ATP2C2: variants seen among roughly 807,000 people sequenced by gnomAD.
ATP2C2 encodes the protein calcium-transporting ATPase type 2C member 2.
ATP2C2 carries 171 observed loss-of-function variants against 110.8 expected under a neutral mutation model. The observed-to-expected ratio is 1.54, with a 90% CI of 1.36 to 1.75. The LOEUF (loss-of-function observed/expected upper bound fraction) is 1.75, where lower values mean the gene tolerates loss of function less well. ATP2C2 is among the 40% of genes most tolerant of loss of function. The pLI, the probability that ATP2C2 is intolerant of heterozygous loss-of-function variation, is 0.00. For missense variants in ATP2C2, 1,963 were observed against 1,235.0 expected (o/e 1.59, Z -8.84); for synonymous variants, 804 against 508.4 (o/e 1.58, Z -7.82).
At chr16:84,411,067 A>G (rs932295102) in intron 6 of ATP2C2, among the ~76,000 whole-genome samples, 16 of 152,162 alleles carry the variant, frequency 1.1e-4, no homozygotes, top group African/African-American at 3.9e-4. Context: ...CCTGTGAAAT[A>G]ATGTGCAGAA....
chr16:84,420,571 C>G (rs1907243005), intron 7 of ATP2C2, among the ~76,000 whole-genome samples: 1 of 151,836 alleles, frequency 6.6e-6, no homozygotes, highest in Non-Finnish European at 1.5e-5. Context: ...CCCGGGATCC[C>G]CTCCTGTTTT....
intron 1 of ATP2C2, among the ~76,000 whole-genome samples, chr16:84,387,264 G>C (rs1904365579): frequency 6.6e-6 from 1 of 152,168 alleles, no homozygotes; most frequent in African/African-American, 2.4e-5. Context: ...GCTCGTGCCT[G>C]TAATCCCAGC....
intron 2 of ATP2C2, among the ~76,000 whole-genome samples, chr16:84,400,972 C>T (rs188255930): frequency 2.6e-5 from 4 of 152,250 alleles, no homozygotes; most frequent in South Asian, 2.1e-4. Context: ...TTATTAATCC[C>T]GTGTCAGATG....
chr16:84,417,056 C>A (rs1226307533), intron 7 of ATP2C2, among the ~76,000 whole-genome samples: 2 of 152,150 alleles, frequency 1.3e-5, no homozygotes, highest in Non-Finnish European at 2.9e-5. Flanking sequence ...TTAGCCTGGG[C>A]TTGAGCCCTG....
At chr16:84,391,604 A>G (rs1193844593) in intron 1 of ATP2C2, among the ~76,000 whole-genome samples, 2 of 152,342 alleles carry the variant, frequency 1.3e-5, no homozygotes, top group Admixed American at 6.5e-5. Context: ...CTGCTGTGAT[A>G]CGTACACATG....
chr16:84,451,853 AACC>A, intron 17 of ATP2C2, 65 bp from the exon 18 acceptor site: 1 of 1,347,012 alleles, frequency 7.4e-7, no homozygotes, highest in Non-Finnish European at 1.0e-6. Flanking sequence ...CAACAACAAC[AACC>A]AACAACAAAA....
chr16:84,378,710 G>A (rs970732793), intron 1 of ATP2C2, among the ~76,000 whole-genome samples: 4 of 152,326 alleles, frequency 2.6e-5, no homozygotes, highest in African/African-American at 4.8e-5. Context: ...GGGCAGGGCC[G>A]ACTACGTGAT....
At chr16:84,439,769 T>C (rs1025198712) in intron 13 of ATP2C2, among the ~76,000 whole-genome samples, 9 of 152,328 alleles carry the variant, frequency 5.9e-5, no homozygotes, top group African/African-American at 2.2e-4. Context: ...CATTGCAAAA[T>C]TTAAAAGCTA....
At chr16:84,446,755 T>C (rs1909788596) in intron 16 of ATP2C2, among the ~76,000 whole-genome samples, 2 of 152,194 alleles carry the variant, frequency 1.3e-5, no homozygotes, top group South Asian at 2.1e-4. Context: ...CCCAGTAACC[T>C]TCATTTTCTG....
intron 1 of ATP2C2, among the ~76,000 whole-genome samples, chr16:84,373,930 CTTTG>C (rs926441504): frequency 6.6e-6 from 1 of 152,192 alleles, no homozygotes; most frequent in Non-Finnish European, 1.5e-5. Context: ...TTTGTCAGGA[CTTTG>C]TTTGCTAGTT....
At position 84,396,223 on chromosome 16, in the gene ATP2C2, CGTGT is replaced by C. The variant is rs10571889; in HGVS notation, c.100-2260_100-2257del. ...TCTGCAAGTGTTTTCAAGCATCGGG[CGTGT>C]GTGTGTGTGTGTGTGAGATGGGATT... On this transcript the variant is annotated intron_variant, in intron 1 of 26. Transcript: ENST00000262429. Among the ~76,000 whole-genome samples the C allele has an allele frequency of 8.0e-5, 12 of 150,550 alleles. No homozygotes were observed. The East Asian group carries it at 1.2e-3, about 15-fold the overall frequency.
At chr16:84,441,541 G>T (rs1909259522) in intron 14 of ATP2C2, among the ~76,000 whole-genome samples, 1 of 152,182 alleles carries the variant, frequency 6.6e-6, no homozygotes, top group Non-Finnish European at 1.5e-5. Context: ...CCTCTGTACA[G>T]TTCAGTGAGC....
Position 84,463,672 on chromosome 16 carries a change from AC to A in ATP2C2, c.2782del (p.Leu928TyrfsTer36). The A allele has an allele frequency of 6.2e-7, 1 of 1,614,160 alleles. No individual in the cohort carries two copies. The highest frequency in any genetic ancestry group is 1.1e-5 in the South Asian group (1 of 91,080). The part of the protein sequence containing the change: ...SVFILSELLK[L>X]CEKYCCSPKR... ...TCTTCATTTTGTCAGAGCTCCTCAA[AC>A]TATGTGAAAAATACTGTTGCAGCCC... On this transcript the variant is annotated frameshift_variant, in exon 27 of 27. Transcript: ENST00000262429. LOFTEE classifies it low-confidence loss of function (END_TRUNC).
At chr16:84,387,167 T>C (rs1904359860) in intron 1 of ATP2C2, among the ~76,000 whole-genome samples, 1 of 152,134 alleles carries the variant, frequency 6.6e-6, no homozygotes, top group Non-Finnish European at 1.5e-5. Context: ...CTGAGCACAT[T>C]TGGGCACTCG....
chr16:84,460,952 T>G, intron 24 of ATP2C2, 151 bp downstream of exon 24: 3 of 1,157,740 alleles, frequency 2.6e-6, no homozygotes, highest in South Asian at 3.4e-5. Flanking sequence ...AGGCGTGGGG[T>G]GCATGAGGCA....
rs761516602 is a variant in ATP2C2, at chr16:84,461,825, C to T, written c.2580+13C>T. ...CTGCCGCTCTCAGGTGAGACCCGGGCTGACCCTCCTCGCTGCAGAGCTGCT... is the reference window on the plus strand; with the variant it reads ...CTGCCGCTCTCAGGTGAGACCCGGGTTGACCCTCCTCGCTGCAGAGCTGCT... On this transcript the variant is annotated intron_variant, in intron 25 of 26. Transcript: ENST00000262429. 3 of 1,612,256 alleles carry T rather than the reference C, an allele frequency of 1.9e-6. No homozygotes were observed. Among genetic ancestry groups the T allele is most frequent in the Admixed American group, 1.7e-5 (1 of 60,028 alleles).
chr16:84,415,376 T>TA, intron 6 of ATP2C2, 107 bp from the exon 7 acceptor site: 1 of 909,786 alleles, frequency 1.1e-6, no homozygotes, highest in Admixed American at 1.8e-5. Flanking sequence ...GGTTGGTGTA[T>TA]ATTAAAAGAG....
chr16:84,381,544 T>A (rs374966509), intron 1 of ATP2C2, among the ~76,000 whole-genome samples: 2 of 151,992 alleles, frequency 1.3e-5, no homozygotes, highest in Admixed American at 1.3e-4. Flanking sequence ...GCCACTGCAC[T>A]CCAGCCTGGA....
chr16:84,444,557 A>T (rs1290295079), intron 15 of ATP2C2, among the ~76,000 whole-genome samples: 1 of 152,198 alleles, frequency 6.6e-6, no homozygotes, highest in Non-Finnish European at 1.5e-5. Context: ...TGTAATAGTG[A>T]ATGGAGCTCA....
Sources: gnomAD v4.1 joint callset for allele counts (sites outside exome capture counted in the v4.1 genomes callset) on GRCh38, gnomAD v4.1.1 for gene constraint, MANE v1.5 for transcripts, NCBI Gene and HGNC (gene_info 2026-07-23, HGNC 2026-07-21) for gene names.